Variants in PKN2 observed in about 807,000 individuals in gnomAD.
PKN2 encodes the protein serine/threonine-protein kinase N2.
Under a neutral mutation model 119.1 loss-of-function variants are expected in PKN2, and 38 were observed. The ratio of observed to expected loss-of-function variants is 0.32; its 90% CI spans 0.25 to 0.42. The LOEUF (loss-of-function observed/expected upper bound fraction) is 0.42, where lower values mean the gene tolerates loss of function less well. Ranked by LOEUF, PKN2 falls within the 10% of genes least tolerant of loss-of-function variation. The pLI, the probability that PKN2 is intolerant of heterozygous loss-of-function variation, is 1.00. For synonymous variants in PKN2, 390 were observed against 384.9 expected (o/e 1.01, Z -0.15); for missense variants, 850 against 1,165.1 (o/e 0.73, Z 3.94).
chr1:88,746,615 G>A (rs542779461), intron 2 of PKN2, among the ~76,000 whole-genome samples: 2 of 152,058 alleles, frequency 1.3e-5, no homozygotes, highest in Non-Finnish European at 2.9e-5. Flanking sequence ...GTAAGTGATG[G>A]CAAGGATATG....
chr1:88,828,787 A>G (rs1672609941), intron 19 of PKN2, among the ~76,000 whole-genome samples, 164 bp downstream of exon 19: 1 of 152,210 alleles, frequency 6.6e-6, no homozygotes, highest in Non-Finnish European at 1.5e-5. Context: ...AATACCTTCA[A>G]TAAAGATTTT....
chr1:88,747,411 G>A (rs1668812752), intron 2 of PKN2, among the ~76,000 whole-genome samples: 1 of 152,016 alleles, frequency 6.6e-6, no homozygotes. Flanking sequence ...AGTTTAATGG[G>A]GTACTGTTGT....
intron 18 of PKN2, 73 bp from the exon 19 acceptor site, chr1:88,828,408 G>A: frequency 7.3e-7 from 1 of 1,368,410 alleles, no homozygotes. Flanking sequence ...GCCTCCCAAA[G>A]ATAGCTTTGA....
At chr1:88,760,505 A>C in intron 3 of PKN2, 129 bp downstream of exon 3, 2 of 537,900 alleles carry the variant, frequency 3.7e-6, no homozygotes, top group Non-Finnish European at 6.6e-6. Flanking sequence ...GCACTTTGGC[A>C]GTCATTTGTG....
intron 1 of PKN2, among the ~76,000 whole-genome samples, chr1:88,689,230 C>T (rs1666236473): frequency 6.6e-6 from 1 of 152,144 alleles, no homozygotes; most frequent in Non-Finnish European, 1.5e-5. Context: ...TGTGGAAAAG[C>T]ACAAAAGAAA....
At chr1:88,771,945 T>G (rs1669911400) in intron 6 of PKN2, 66 bp downstream of exon 6, 1 of 1,069,042 alleles carries the variant, frequency 9.4e-7, no homozygotes, top group African/African-American at 1.6e-5. Flanking sequence ...GATTTAATAA[T>G]TGAAAGAAAA....
intron 8 of PKN2, among the ~76,000 whole-genome samples, chr1:88,797,099 T>C (rs1418522308): frequency 1.3e-5 from 2 of 152,004 alleles, no homozygotes; most frequent in Non-Finnish European, 2.9e-5. Context: ...TTTGAGAGGC[T>C]GAGGCGGGCG....
intron 4 of PKN2, among the ~76,000 whole-genome samples, chr1:88,770,874 C>T (rs577745771): frequency 6.7e-6 from 1 of 150,082 alleles, no homozygotes. Context: ...CGTGAGCCAC[C>T]GCGCCCGGCC....
intron 2 of PKN2, among the ~76,000 whole-genome samples, chr1:88,748,904 T>C (rs1668878319): frequency 6.6e-6 from 1 of 152,124 alleles, no homozygotes; most frequent in Non-Finnish European, 1.5e-5. Context: ...CACTCCAGCC[T>C]GGGCAGCAGA....
chr1:88,742,405 G>C (rs1208828376), intron 2 of PKN2, among the ~76,000 whole-genome samples: 1 of 152,054 alleles, frequency 6.6e-6, no homozygotes, highest in Non-Finnish European at 1.5e-5. Context: ...CTGGGATTTA[G>C]GGCTTTTATT....
chr1:88,783,913 A>G (rs956976510), intron 6 of PKN2, among the ~76,000 whole-genome samples: 6 of 152,198 alleles, frequency 3.9e-5, no homozygotes, highest in African/African-American at 7.2e-5. Context: ...ATTTAGTTAT[A>G]CAAAAACCCT....
Position 88,835,883 on chromosome 1 carries a change from C to G in PKN2, c.*2435C>G, listed in dbSNP as rs566950876. 9 of 152,258 alleles carry G rather than the reference C, an allele frequency of 5.9e-5. No homozygotes were observed. In the East Asian group the frequency reaches 1.7e-3, roughly 29 times the overall value. The allele number at this position is 152,258 out of a possible 1,614,324, so 9.4% of individuals were successfully genotyped here. A position where few individuals can be genotyped will look rare whatever the true frequency, so the allele number is the denominator to read the frequency against. On this transcript the variant is annotated 3_prime_UTR_variant, in exon 22 of 22. Transcript: ENST00000370521. ...ACTTTAACTTTTCTGTGTTCAAAATCTCAAAGACTAATTAACTTTAATAAA... is the reference window on the plus strand; with the variant it reads ...ACTTTAACTTTTCTGTGTTCAAAATGTCAAAGACTAATTAACTTTAATAAA...
At chr1:88,710,348 A>G (rs2100683713) in intron 1 of PKN2, among the ~76,000 whole-genome samples, 1 of 152,294 alleles carries the variant, frequency 6.6e-6, no homozygotes, top group Middle Eastern at 3.4e-3. Flanking sequence ...CTCCTATTTT[A>G]TACTTAATAT....
At chr1:88,823,168 C>G (rs762670147) in intron 17 of PKN2, among the ~76,000 whole-genome samples, 1 of 151,958 alleles carries the variant, frequency 6.6e-6, no homozygotes, top group African/African-American at 2.4e-5. Flanking sequence ...TGCAGTGAGC[C>G]GTGATTATGC....
intron 8 of PKN2, 57 bp from the exon 9 acceptor site, chr1:88,804,334 G>A (rs1402051430): frequency 7.8e-7 from 1 of 1,278,306 alleles, no homozygotes; most frequent in Admixed American, 2.4e-5. Flanking sequence ...TTTTATTCAA[G>A]TGTGTGTCCA....
At chr1:88,712,702 C>CG (rs762932617) in intron 1 of PKN2, among the ~76,000 whole-genome samples, 1 of 152,152 alleles carries the variant, frequency 6.6e-6, no homozygotes, top group Non-Finnish European at 1.5e-5. Flanking sequence ...ATTTAAGACA[C>CG]TAACTTGTGA....
intron 1 of PKN2, among the ~76,000 whole-genome samples, chr1:88,709,831 C>G (rs1257304027): frequency 6.6e-6 from 1 of 152,174 alleles, no homozygotes; most frequent in Non-Finnish European, 1.5e-5. Flanking sequence ...TACACATTCT[C>G]TTTCTCCATA....
intron 6 of PKN2, among the ~76,000 whole-genome samples, chr1:88,780,162 G>C (rs1396161198): frequency 2.0e-5 from 3 of 152,160 alleles, no homozygotes; most frequent in Admixed American, 2.0e-4. Flanking sequence ...CAAAGCTTTA[G>C]AGTTATACAG....
At chr1:88,703,825 T>C (rs1666865679) in intron 1 of PKN2, among the ~76,000 whole-genome samples, 1 of 152,188 alleles carries the variant, frequency 6.6e-6, no homozygotes, top group Admixed American at 6.5e-5. Flanking sequence ...AGTGATTTAC[T>C]ATCATTAAGT....
Sources: gnomAD v4.1 joint callset for allele counts (sites outside exome capture counted in the v4.1 genomes callset) on GRCh38, gnomAD v4.1.1 for gene constraint, MANE v1.5 for transcripts, NCBI Gene and HGNC (gene_info 2026-07-23, HGNC 2026-07-21) for gene names.